Variants in PCMT1 observed in about 807,000 individuals in gnomAD.
PCMT1 encodes the protein protein-L-isoaspartate(D-aspartate) O-methyltransferase.
Under a neutral mutation model 29.2 loss-of-function variants are expected in PCMT1, and 9 were observed. That is an observed-to-expected ratio of 0.31 (90% CI 0.19 to 0.54). The LOEUF (loss-of-function observed/expected upper bound fraction) is 0.54, where lower values mean the gene tolerates loss of function less well. Among genes scored for constraint, PCMT1 ranks in the 20% least tolerant of loss-of-function variants. The pLI is 0.95. For synonymous variants in PCMT1, 98 were observed against 97.5 expected (o/e 1.00, Z -0.03); for missense variants, 184 against 282.2 (o/e 0.65, Z 2.49).
At chr6:149,785,127 A>G (rs1386326341) in intron 3 of PCMT1, among the ~76,000 whole-genome samples, 1 of 150,050 alleles carries the variant, frequency 6.7e-6, no homozygotes, top group African/African-American at 2.5e-5. Context: ...AGAATTTCCC[A>G]TATTCTGAAT....
At position 149,802,101 on chromosome 6, in the gene PCMT1, C is replaced by T. The variant is rs545167626; in HGVS notation, c.505-99C>T. The T allele has an allele frequency of 1.2e-4, 94 of 793,636 alleles. No homozygotes were observed. In the East Asian group the frequency reaches 1.9e-3, roughly 16 times the overall value. The allele number at this position is 793,636 out of a possible 1,614,324, so 49.2% of individuals were successfully genotyped here. A position where few individuals can be genotyped will look rare whatever the true frequency, so the allele number is the denominator to read the frequency against. On this transcript the variant is annotated intron_variant, in intron 6 of 7. Coordinates refer to ENST00000464889, the MANE Select transcript of PCMT1 (RefSeq NM_001360452.2). ...CTGAGATCGTGTCATTGCACTCCAG[C>T]CTGGGCGACAGAGTGAGACCCTGTC...
rs766536636 is a variant in PCMT1, at chr6:149,811,341, A to G, written c.*763A>G. On this transcript the variant is annotated 3_prime_UTR_variant, in exon 8 of 8. Transcript: ENST00000464889. ...TGCTGATAATGTATATGAACTTAAC[A>G]TGCTGTGTAAGCTGTGTCCTAGTTC... The G allele has an allele frequency of 6.5e-6, 1 of 152,678 alleles. No homozygotes were observed. Among genetic ancestry groups the G allele is most frequent in the African/African-American group, 2.4e-5 (1 of 41,460 alleles). 9.5% of individuals were successfully genotyped at this position (152,678 alleles called of 1,614,324 possible).
intron 1 of PCMT1, among the ~76,000 whole-genome samples, chr6:149,753,639 T>G (rs1562393122): frequency 6.6e-6 from 1 of 152,214 alleles, no homozygotes; most frequent in Non-Finnish European, 1.5e-5. Context: ...CCAATAGTTT[T>G]TTTTGTTTTG....
At chr6:149,768,013 T>TA (rs74888188) in intron 1 of PCMT1, among the ~76,000 whole-genome samples, 80,691 of 151,434 alleles carry the variant, frequency 0.53, 24,656 homozygotes, top group East Asian at 0.83. Context: ...AGGCTGGTCT[T>TA]AAACTCCTGA....
chr6:149,758,073 G>T (rs1786579895), intron 1 of PCMT1, among the ~76,000 whole-genome samples: 1 of 151,728 alleles, frequency 6.6e-6, no homozygotes, highest in African/African-American at 2.4e-5. Flanking sequence ...TAGTAGAGAT[G>T]GGGTTTCACC....
At chr6:149,777,161 T>C (rs1787603534) in intron 3 of PCMT1, among the ~76,000 whole-genome samples, 1 of 152,200 alleles carries the variant, frequency 6.6e-6, no homozygotes. Context: ...ATACTTAGCC[T>C]ACCAAACTTC....
intron 6 of PCMT1, among the ~76,000 whole-genome samples, chr6:149,801,621 C>CT (rs1399678713): frequency 6.6e-6 from 1 of 151,808 alleles, no homozygotes. Flanking sequence ...TAATTTTGTA[C>CT]TTTTTTAGTA....
chr6:149,779,027 G>A (rs112219468), intron 3 of PCMT1, among the ~76,000 whole-genome samples: 83 of 152,028 alleles, frequency 5.5e-4, no homozygotes, highest in African/African-American at 1.8e-3. Flanking sequence ...AAGGTAGAAC[G>A]TAATATAGCC....
intron 1 of PCMT1, among the ~76,000 whole-genome samples, chr6:149,760,723 A>G (rs1317116987): frequency 6.6e-6 from 1 of 152,124 alleles, no homozygotes; most frequent in African/African-American, 2.4e-5. Context: ...ATGGTGGTGC[A>G]TGCCTATAGT....
At chr6:149,793,189 C>G (rs1410860844) in intron 4 of PCMT1, among the ~76,000 whole-genome samples, 2 of 151,732 alleles carry the variant, frequency 1.3e-5, no homozygotes, top group African/African-American at 4.8e-5. Flanking sequence ...AAATTCCTCC[C>G]TGTCAAATTC....
At chr6:149,798,687 C>A (rs116157763) in intron 6 of PCMT1, among the ~76,000 whole-genome samples, 251 of 152,274 alleles carry the variant, frequency 1.6e-3, no homozygotes, top group African/African-American at 4.7e-3. Flanking sequence ...AGATAGAAAG[C>A]AGATGGAATA....
rs762550646 is a variant in PCMT1 at position 149,769,884 on chromosome 6, G to A, written c.56-1278G>A. On this transcript the variant is annotated intron_variant, in intron 1 of 7. Coordinates refer to ENST00000464889, the MANE Select transcript of PCMT1 (RefSeq NM_001360452.2). ...GGCTTTGAGATTATAGGCATGGGCC[G>A]CTGCACCTGGCCTTAATCTCAGCTA... is the stretch of plus-strand genomic sequence containing the variant. Among the ~76,000 whole-genome samples, 160 of 147,034 alleles carry A rather than the reference G, an allele frequency of 1.1e-3. 3 individuals carry two copies. The highest frequency in any genetic ancestry group is 3.0e-4 in the Non-Finnish European group (20 of 67,614).
chr6:149,797,945 C>G (rs984427752), intron 6 of PCMT1: 4 of 151,884 alleles, frequency 2.6e-5, no homozygotes, highest in African/African-American at 7.3e-5. Context: ...GCAGATGAAT[C>G]ACTTGCGCTC....
intron 1 of PCMT1, 63 bp downstream of exon 1, chr6:149,750,019 CT>C: frequency 6.5e-7 from 1 of 1,530,780 alleles, no homozygotes; most frequent in Non-Finnish European, 8.8e-7. Context: ...CCGGGTCCCC[CT>C]GGGCCGTCCG....
At chr6:149,753,365 T>C (rs1786401636) in intron 1 of PCMT1, among the ~76,000 whole-genome samples, 1 of 118,914 alleles carries the variant, frequency 8.4e-6, no homozygotes, top group African/African-American at 3.3e-5. Flanking sequence ...AGAGTTTCGC[T>C]CTTATTGCCC....
intron 1 of PCMT1, among the ~76,000 whole-genome samples, chr6:149,752,364 AT>A (rs1018094842): frequency 1.8e-4 from 28 of 151,708 alleles, no homozygotes; most frequent in African/African-American, 6.5e-4. Flanking sequence ...CGCCTGGCTA[AT>A]TTTTAGTATT....
intron 3 of PCMT1, among the ~76,000 whole-genome samples, chr6:149,782,937 C>T (rs1787875178): frequency 6.6e-6 from 1 of 152,066 alleles, no homozygotes; most frequent in African/African-American, 2.4e-5. Context: ...GGGCAGATCC[C>T]TTGAGCCCAG....
At chr6:149,799,479 A>C (rs1287364173) in intron 6 of PCMT1, among the ~76,000 whole-genome samples, 3 of 152,216 alleles carry the variant, frequency 2.0e-5, no homozygotes, top group African/African-American at 7.2e-5. Flanking sequence ...GTATGCACAC[A>C]CATCACCAAG....
intron 1 of PCMT1, chr6:149,750,332 T>C (rs1582995589): frequency 1.3e-5 from 3 of 222,996 alleles, no homozygotes; most frequent in South Asian, 1.3e-4. Flanking sequence ...CTAGGCCTTA[T>C]GGAGAGTGGG....
Sources: allele counts gnomAD v4.1 joint callset (sites outside exome capture counted in the v4.1 genomes callset), GRCh38; gene constraint gnomAD v4.1.1; transcripts MANE v1.5; gene names NCBI Gene and HGNC (gene_info 2026-07-23, HGNC 2026-07-21).